The following CDH12 variants were observed in gnomAD, a reference collection of about 807,000 sequenced individuals.
CDH12 encodes the protein cadherin 12, also known as cadherin-12.
Under a neutral mutation model 74.1 loss-of-function variants are expected in CDH12, and 41 were observed. That is an observed-to-expected ratio of 0.55 (90% CI 0.43 to 0.72). CDH12 has a LOEUF of 0.72. Among genes scored for constraint, CDH12 ranks in the 30% least tolerant of loss-of-function variants. The probability of loss-of-function intolerance (pLI) is 0.00; values close to 1 mark genes in which losing one functional copy is unlikely to be tolerated. For synonymous variants in CDH12, 399 were observed against 355.0 expected, an observed-to-expected ratio of 1.12 and a Z score of -1.39; for missense variants, 945 against 977.2, an observed-to-expected ratio of 0.97 and a Z score of 0.44.
chr5:22,466,611 G>GA (rs901837179), intron 2 of CDH12, among the ~76,000 whole-genome samples: 1 of 151,924 alleles, frequency 6.6e-6, no homozygotes, highest in Non-Finnish European at 1.5e-5. Flanking sequence ...TGATAAACCA[G>GA]AAAAAAGAGG....
chr5:21,832,634 G>T (rs1349222478), intron 8 of CDH12, among the ~76,000 whole-genome samples: 3 of 149,776 alleles, frequency 2.0e-5, no homozygotes, highest in Admixed American at 1.4e-4. Context: ...ATACCTGTAG[G>T]AATACAATTT....
At chr5:22,269,544 A>G (rs1030441677) in intron 3 of CDH12, among the ~76,000 whole-genome samples, 8 of 152,148 alleles carry the variant, frequency 5.3e-5, no homozygotes, top group African/African-American at 1.9e-4. Context: ...TAAATTAGCC[A>G]TATTAGAGCA....
intron 5 of CDH12, among the ~76,000 whole-genome samples, chr5:22,009,939 C>CAAAAAAAA (rs774589642): frequency 0.017 from 864 of 50,686 alleles, 8 homozygotes; most frequent in African/African-American, 0.04. Flanking sequence ...GAAACTGTCT[C>CAAAAAAAA]AAAAAAAAAA....
At chr5:22,445,972 G>A (rs570967904) in intron 2 of CDH12, among the ~76,000 whole-genome samples, 2 of 152,202 alleles carry the variant, frequency 1.3e-5, no homozygotes, top group East Asian at 3.9e-4. Context: ...TCTTTCCACT[G>A]ATGTCTCTTC....
At chr5:22,204,261 C>T (rs1157430349) in intron 4 of CDH12, among the ~76,000 whole-genome samples, 2 of 151,604 alleles carry the variant, frequency 1.3e-5, no homozygotes, top group African/African-American at 2.4e-5. Context: ...TCGGGGTTCA[C>T]GCCATTCTCC....
At chr5:22,249,497 GAGA>G (rs767265267) in intron 3 of CDH12, among the ~76,000 whole-genome samples, 71 of 152,174 alleles carry the variant, frequency 4.7e-4, no homozygotes, top group Non-Finnish European at 3.8e-4. Flanking sequence ...TAAAATCTGT[GAGA>G]AGAACATTTT....
At chr5:22,318,919 A>G (rs990770357) in intron 3 of CDH12, among the ~76,000 whole-genome samples, 5 of 152,178 alleles carry the variant, frequency 3.3e-5, no homozygotes, top group Non-Finnish European at 4.4e-5. Flanking sequence ...CATCTAATGT[A>G]TGTGTCAATG....
chr5:22,806,098 G>T (rs954703555), intron 1 of CDH12, among the ~76,000 whole-genome samples: 3 of 152,092 alleles, frequency 2.0e-5, no homozygotes, highest in Admixed American at 2.0e-4. Context: ...TTGCTATTGT[G>T]AATAGTGCCA....
intron 3 of CDH12, among the ~76,000 whole-genome samples, chr5:22,323,026 G>A (rs941322631): frequency 3.9e-5 from 6 of 152,150 alleles, no homozygotes; most frequent in South Asian, 2.1e-4. Flanking sequence ...TGACTTGTCA[G>A]GTAATAAGAG....
intron 3 of CDH12, among the ~76,000 whole-genome samples, chr5:22,215,066 T>TG (rs1157038422): frequency 6.6e-6 from 1 of 152,216 alleles, no homozygotes; most frequent in East Asian, 1.9e-4. Context: ...AGTAAGTGAC[T>TG]GGCATGCACT....
intron 1 of CDH12, among the ~76,000 whole-genome samples, chr5:22,773,203 C>T (rs1746904955): frequency 6.6e-6 from 1 of 151,920 alleles, no homozygotes; most frequent in East Asian, 1.9e-4. Context: ...CAAGGCAATC[C>T]TAAGCAAAAA....
chr5:22,455,415 CG>C (rs1745222754), intron 2 of CDH12, among the ~76,000 whole-genome samples: 2 of 151,980 alleles, frequency 1.3e-5, no homozygotes, highest in Non-Finnish European at 1.5e-5. Context: ...CAGCATTACC[CG>C]GGAAGGAAAG....
At chr5:22,605,611 G>T (rs182843515) in intron 1 of CDH12, among the ~76,000 whole-genome samples, 41 of 152,296 alleles carry the variant, frequency 2.7e-4, no homozygotes, top group African/African-American at 8.2e-4. Flanking sequence ...CTGGTCCAGG[G>T]TCTGCTGACC....
intron 1 of CDH12, among the ~76,000 whole-genome samples, chr5:22,535,381 C>T (rs1160546337): frequency 6.6e-6 from 1 of 152,008 alleles, no homozygotes; most frequent in Non-Finnish European, 1.5e-5. Context: ...TGGTCTCGAT[C>T]TCCTGACCTC....
chr5:22,240,977 G>A (rs1752731037), intron 3 of CDH12, among the ~76,000 whole-genome samples: 1 of 152,132 alleles, frequency 6.6e-6, no homozygotes, highest in Admixed American at 6.5e-5. Context: ...GGAGGAGGAG[G>A]AGAAGAGAAA....
chr5:21,778,247 A>T (rs1745701060), intron 11 of CDH12, among the ~76,000 whole-genome samples: 1 of 152,154 alleles, frequency 6.6e-6, no homozygotes, highest in African/African-American at 2.4e-5. Context: ...TGAGCTACAG[A>T]CAAAATATCT....
chr5:21,966,014 G>A (rs1756565231), intron 6 of CDH12, among the ~76,000 whole-genome samples: 2 of 152,194 alleles, frequency 1.3e-5, no homozygotes, highest in South Asian at 4.1e-4. Flanking sequence ...CTGTGTTTAA[G>A]TGATTTTAAT....
intron 2 of CDH12, among the ~76,000 whole-genome samples, chr5:22,451,582 C>T (rs2662499): frequency 0.46 from 70,492 of 151,682 alleles, 16,753 homozygotes; most frequent in Admixed American, 0.64. Flanking sequence ...ATAAAGGCCA[C>T]ATATGACAAA....
At chr5:22,592,905 C>A (rs1736416269) in intron 1 of CDH12, among the ~76,000 whole-genome samples, 1 of 151,804 alleles carries the variant, frequency 6.6e-6, no homozygotes, top group African/African-American at 2.4e-5. Context: ...TGGCATGCGC[C>A]TGTAGTCCCA....
Sources: gnomAD v4.1 joint callset for allele counts (sites outside exome capture counted in the v4.1 genomes callset) on GRCh38, gnomAD v4.1.1 for gene constraint, MANE v1.5 for transcripts, NCBI Gene and HGNC (gene_info 2026-07-23, HGNC 2026-07-21) for gene names.